Variants in PLAC8L1 observed in about 807,000 individuals in gnomAD.
PLAC8L1 encodes the protein PLAC8-like protein 1.
A neutral mutation model predicts 16.3 loss-of-function variants in PLAC8L1; 13 were observed. That is an observed-to-expected ratio of 0.80 (90% CI 0.52 to 1.27). The LOEUF (loss-of-function observed/expected upper bound fraction) is 1.27, where lower values mean the gene tolerates loss of function less well. PLAC8L1 is among the 50% of genes most tolerant of loss of function. The pLI, the probability that PLAC8L1 is intolerant of heterozygous loss-of-function variation, is 0.00. For synonymous variants in PLAC8L1, 78 were observed against 79.3 expected, an observed-to-expected ratio of 0.98 and a Z score of 0.09; for missense variants, 184 against 220.2, an observed-to-expected ratio of 0.84 and a Z score of 1.04.
chr5:146,096,058 G>A (rs1763713656), intron 2 of PLAC8L1, among the ~76,000 whole-genome samples: 3 of 152,176 alleles, frequency 2.0e-5, no homozygotes, highest in African/African-American at 7.2e-5. Flanking sequence ...GGAGAATTCT[G>A]GAGGTTAGAG....
intron 2 of PLAC8L1, among the ~76,000 whole-genome samples, chr5:146,095,624 G>A (rs192775278): frequency 2.0e-4 from 30 of 152,246 alleles, no homozygotes; most frequent in Admixed American, 1.6e-3. Flanking sequence ...TAAGTGCATT[G>A]TAATGATATT....
Position 146,085,489 on chromosome 5 carries a change from AT to A in PLAC8L1, c.364del (p.Ile122LeufsTer37). ...LLPGSTFALR[I>X]GTRERHKIQG... ...TATTTTATGTCTCTCCCTGGTGCCA[AT>A]TCTCAGTGCAAAGGTGGACCCAGGT... is the stretch of plus-strand genomic sequence containing the variant. On this transcript the variant is annotated frameshift_variant, in exon 3 of 4. Transcript: ENST00000311450. LOFTEE classifies it high-confidence loss of function. 1 of 1,614,110 alleles carries A rather than the reference AT, an allele frequency of 6.2e-7. No homozygotes were observed. The highest frequency in any genetic ancestry group is 8.5e-7 in the Non-Finnish European group (1 of 1,180,028).
chr5:146,102,324 C>T (rs10491260), intron 1 of PLAC8L1, among the ~76,000 whole-genome samples: 33,878 of 152,042 alleles, frequency 0.22, 4,836 homozygotes, highest in Admixed American at 0.34. Flanking sequence ...TTCCTTAATA[C>T]CCTGAGTCTT....
At chr5:146,085,742 C>T (rs992293187) in intron 2 of PLAC8L1, 145 bp from the exon 3 acceptor site, 10 of 942,286 alleles carry the variant, frequency 1.1e-5, no homozygotes, top group Non-Finnish European at 1.5e-5. Flanking sequence ...AACCAATTCC[C>T]AAAACTCATT....
At chr5:146,091,455 T>C (rs1378506774) in intron 2 of PLAC8L1, among the ~76,000 whole-genome samples, 1 of 152,106 alleles carries the variant, frequency 6.6e-6, no homozygotes, top group African/African-American at 2.4e-5. Flanking sequence ...AACTGCATAA[T>C]GATATGCACA....
intron 3 of PLAC8L1, 82 bp from the exon 4 acceptor site, chr5:146,084,654 T>G: frequency 6.5e-7 from 1 of 1,534,440 alleles, no homozygotes. Flanking sequence ...TGTTACCTCC[T>G]GGCCCTTCAA....
chr5:146,086,922 G>T (rs1029523584), intron 2 of PLAC8L1, among the ~76,000 whole-genome samples: 1 of 152,122 alleles, frequency 6.6e-6, no homozygotes, highest in Non-Finnish European at 1.5e-5. Flanking sequence ...AAAATGCACA[G>T]GCCATCAGTG....
intron 2 of PLAC8L1, among the ~76,000 whole-genome samples, chr5:146,087,306 T>TATACAG (rs748090498): frequency 0.019 from 2,927 of 152,316 alleles, 41 homozygotes; most frequent in Non-Finnish European, 0.031. Flanking sequence ...TTTTTGCTAT[T>TATACAG]ATGAATTTGA....
Position 146,097,134 on chromosome 5 carries a change from A to G in PLAC8L1, c.256+1022T>C, listed in dbSNP as rs75570644. On this transcript the variant is annotated intron_variant, in intron 2 of 3. Transcript: ENST00000311450. Reference sequence around the variant, plus strand: ...CCTCCCAGAGAGACTCTGTGATCCAATTGCTCCCTAGGGCAAGACCATCAG... The same window carrying G: ...CCTCCCAGAGAGACTCTGTGATCCAGTTGCTCCCTAGGGCAAGACCATCAG... 6.1e-3 allele frequency among the ~76,000 whole-genome samples: 926 copies of G among 152,278 alleles called. 8 individuals carry two copies. Among genetic ancestry groups the G allele is most frequent in the African/African-American group, 0.021 (854 of 41,548 alleles).
intron 2 of PLAC8L1, among the ~76,000 whole-genome samples, chr5:146,086,435 G>A (rs536718041): frequency 6.6e-6 from 1 of 152,308 alleles, no homozygotes; most frequent in South Asian, 2.1e-4. Context: ...TGGAGCCACT[G>A]ACATCTGCCA....
At chr5:146,089,181 C>T (rs546305207) in intron 2 of PLAC8L1, among the ~76,000 whole-genome samples, 9 of 151,960 alleles carry the variant, frequency 5.9e-5, no homozygotes, top group South Asian at 4.2e-4. Context: ...AAAAAACACA[C>T]GCTTTTGTTT....
intron 2 of PLAC8L1, among the ~76,000 whole-genome samples, chr5:146,097,002 A>G (rs1487787733): frequency 6.6e-6 from 1 of 152,214 alleles, no homozygotes; most frequent in Admixed American, 6.5e-5. Context: ...GGACAAATTC[A>G]GATCTTCCTA....
At chr5:146,085,315 G>T in intron 3 of PLAC8L1, 146 bp downstream of exon 3, 3 of 803,544 alleles carry the variant, frequency 3.7e-6, no homozygotes, top group Admixed American at 3.0e-5. Context: ...ATTTTTAAAT[G>T]TATTTCCTTT....
chr5:146,102,256 G>A lies in PLAC8L1; in HGVS notation c.119+1937C>T, dbSNP rs539604624. 5.7e-4 allele frequency among the ~76,000 whole-genome samples: 86 copies of A among 151,760 alleles called. 2 individuals are homozygous for A. In the South Asian group the frequency reaches 0.017, roughly 30 times the overall value. ...AATTTTTTGTAGAGATAGGGGTCTC[G>A]CTTTATTGCCTAGGCTGTTTGTCTA... On this transcript the variant is annotated intron_variant, in intron 1 of 3. Transcript: ENST00000311450.
At chr5:146,093,266 GA>G (rs1763652446) in intron 2 of PLAC8L1, among the ~76,000 whole-genome samples, 1 of 152,148 alleles carries the variant, frequency 6.6e-6, no homozygotes, top group Non-Finnish European at 1.5e-5. Context: ...ACTCTGAAGA[GA>G]AAAACCAGGT....
chr5:146,086,500 A>G (rs1761692432), intron 2 of PLAC8L1, among the ~76,000 whole-genome samples: 1 of 152,168 alleles, frequency 6.6e-6, no homozygotes, highest in South Asian at 2.1e-4. Context: ...ACTGTAAACA[A>G]TTTGTCATTA....
At chr5:146,090,434 T>G (rs930489343) in intron 2 of PLAC8L1, among the ~76,000 whole-genome samples, 1 of 148,254 alleles carries the variant, frequency 6.7e-6, no homozygotes, top group Non-Finnish European at 1.5e-5. Context: ...ACTCAGGAGG[T>G]TGAGGTGGAA....
rs1320582938 is a variant in PLAC8L1 at position 146,105,106 on chromosome 5, G to A, written c.-795C>T. Among the ~76,000 whole-genome samples, 3 of 152,092 alleles carry A rather than the reference G, an allele frequency of 2.0e-5. No homozygotes were observed. The highest frequency in any genetic ancestry group is 7.2e-5 in the African/African-American group (3 of 41,402). ...GAGGTGTGGACCCTAGAAATATTAG[G>A]AAATATCCTAAGACAAAAAATTAGG... On this transcript the variant is annotated 5_prime_UTR_variant, in exon 1 of 4. Transcript: ENST00000311450.
chr5:146,095,388 T>C (rs1184996650), intron 2 of PLAC8L1, among the ~76,000 whole-genome samples: 2 of 152,172 alleles, frequency 1.3e-5, no homozygotes, highest in Admixed American at 6.5e-5. Flanking sequence ...GTCCTGAGCG[T>C]TGATGCGGGT....
Sources: gnomAD v4.1 joint callset for allele counts (sites outside exome capture counted in the v4.1 genomes callset) on GRCh38, gnomAD v4.1.1 for gene constraint, MANE v1.5 for transcripts, NCBI Gene and HGNC (gene_info 2026-07-23, HGNC 2026-07-21) for gene names.